GMEB1: variants seen among roughly 807,000 people sequenced by gnomAD.
GMEB1 encodes glucocorticoid modulatory element binding protein 1.
In GMEB1, 6 loss-of-function variants were observed where a neutral mutation model predicts 52.4. The observed-to-expected ratio is 0.11, with a 90% CI of 0.06 to 0.23. The LOEUF (loss-of-function observed/expected upper bound fraction) is 0.23, where lower values mean the gene tolerates loss of function less well. Among genes scored for constraint, GMEB1 ranks in the 10% least tolerant of loss-of-function variants. The pLI, the probability that GMEB1 is intolerant of heterozygous loss-of-function variation, is 1.00. For synonymous variants in GMEB1, 255 were observed against 244.9 expected, an observed-to-expected ratio of 1.04 and a Z score of -0.38; for missense variants, 486 against 685.6, an observed-to-expected ratio of 0.71 and a Z score of 3.25.
intron 9 of GMEB1, among the ~76,000 whole-genome samples, chr1:28,712,561 C>G (rs1413006210): frequency 6.6e-6 from 1 of 152,156 alleles, no homozygotes; most frequent in Non-Finnish European, 1.5e-5. Context: ...TGGCTCATGC[C>G]TGTAATCCCA....
rs923044037 is a variant in GMEB1 at position 28,678,055 on chromosome 1, G to T, written c.-30-5528G>T. 7.9e-5 allele frequency among the ~76,000 whole-genome samples: 12 copies of T among 151,876 alleles called. No individual in the cohort carries two copies. In the East Asian group the frequency reaches 1.9e-3, roughly 25 times the overall value. On this transcript the variant is annotated intron_variant, in intron 1 of 9. Transcript: ENST00000373816. ...AAAAATTAGCCGGGTGTGGTGGCAG[G>T]TCCCTGTAATCCCAGCTACTCGGGA...
intron 1 of GMEB1, among the ~76,000 whole-genome samples, chr1:28,670,390 C>T (rs562514466): frequency 6.7e-6 from 1 of 150,012 alleles, no homozygotes; most frequent in East Asian, 2.0e-4. Context: ...TGCAATGGCG[C>T]GATCTCAGCT....
intron 8 of GMEB1, among the ~76,000 whole-genome samples, chr1:28,705,464 T>C (rs1326267640): frequency 2.8e-5 from 4 of 143,378 alleles, no homozygotes; most frequent in African/African-American, 5.0e-5. Context: ...TTTTTTTTTT[T>C]CCTGAGACGG....
intron 2 of GMEB1, among the ~76,000 whole-genome samples, chr1:28,685,640 A>G (rs1185243418): frequency 6.6e-6 from 1 of 152,152 alleles, no homozygotes; most frequent in African/African-American, 2.4e-5. Context: ...ATCCTGAGTT[A>G]CTTTAGATAA....
At chr1:28,700,469 G>C (rs1670448243) in intron 6 of GMEB1, among the ~76,000 whole-genome samples, 1 of 147,584 alleles carries the variant, frequency 6.8e-6, no homozygotes, top group South Asian at 2.1e-4. Flanking sequence ...AGCCGAGATC[G>C]CGCCACTGCA....
At chr1:28,677,825 TTTTTA>T (rs1252787401) in intron 1 of GMEB1, among the ~76,000 whole-genome samples, 1 of 152,154 alleles carries the variant, frequency 6.6e-6, no homozygotes, top group Non-Finnish European at 1.5e-5. Flanking sequence ...AGTTCATTGA[TTTTTA>T]TTTTATCTTA....
chr1:28,685,350 C>T (rs1402241652), intron 2 of GMEB1, among the ~76,000 whole-genome samples: 1 of 151,978 alleles, frequency 6.6e-6, no homozygotes, highest in Non-Finnish European at 1.5e-5. Context: ...GCTGGCACTA[C>T]AGGCTCTTGC....
At chr1:28,682,904 TG>T (rs1669459545) in intron 1 of GMEB1, among the ~76,000 whole-genome samples, 1 of 152,178 alleles carries the variant, frequency 6.6e-6, no homozygotes, top group African/African-American at 2.4e-5. Context: ...TTGTAGTGCT[TG>T]TCAATTTCGG....
At chr1:28,697,788 G>C (rs186853570) in intron 6 of GMEB1, among the ~76,000 whole-genome samples, 6 of 152,294 alleles carry the variant, frequency 3.9e-5, no homozygotes, top group African/African-American at 1.4e-4. Context: ...CAGGCTAGGC[G>C]TGGTGGCTGA....
rs1671330801 is a variant in GMEB1 at position 28,718,668 on chromosome 1, G to A, written c.*3895G>A. 1 of 151,962 alleles carries A rather than the reference G, an allele frequency of 6.6e-6. No homozygotes were observed. Among genetic ancestry groups the A allele is most frequent in the Non-Finnish European group, 1.5e-5 (1 of 67,976 alleles). The allele number at this position is 151,962 out of a possible 1,614,324, so 9.4% of individuals were successfully genotyped here. A position where few individuals can be genotyped will look rare whatever the true frequency, so the allele number is the denominator to read the frequency against. On this transcript the variant is annotated 3_prime_UTR_variant, in exon 10 of 10. Transcript: ENST00000373816. ...TGTAATTTTATGTATTTTATGCATTGAAAAACATTATTTAAGAATTGGTTC... is the reference window on the plus strand; with the variant it reads ...TGTAATTTTATGTATTTTATGCATTAAAAAACATTATTTAAGAATTGGTTC...
In GMEB1 at chr1:28,696,048, G is replaced by GTTTA. The variant is rs886397087; in HGVS notation, c.441-847_441-844dup. ...AGGAATATCTTTATTTTTATTGTTT[G>GTTTA]TTTATTTATTTATTTATTTATTTAT... On this transcript the variant is annotated intron_variant, in intron 5 of 9. Transcript: ENST00000373816. 2.1e-3 allele frequency among the ~76,000 whole-genome samples: 183 copies of GTTTA among 88,658 alleles called. 2 individuals carry two copies. The highest frequency in any genetic ancestry group is 0.016 in the East Asian group (13 of 804). 58.2% of individuals were successfully genotyped at this position (88,658 alleles called of 152,430 possible). A position where few individuals can be genotyped will look rare whatever the true frequency, so the allele number is the denominator to read the frequency against.
rs1409877611 is a variant in GMEB1, at chr1:28,683,735, A to G, written c.123A>G (p.Gln41=). The G allele has an allele frequency of 5.0e-6, 8 of 1,612,874 alleles. No individual in the cohort carries two copies. The highest frequency in any genetic ancestry group is 5.9e-6 in the Non-Finnish European group (7 of 1,179,530). ...TGATTTTGCAGTTACAGCCTGTGCA[A>G]CAAGGGTAAGTGGCTAGAGATTTGG... ...TQVILQLQPV[Q]QGIYEAGSEN... is the part of the protein sequence containing the mutation. Residue 41 remains glutamine, a synonymous_variant, in exon 2 of 10, where the codon CAA becomes CAG. Transcript: ENST00000373816.
rs181600347 is a variant in GMEB1 at position 28,715,840 on chromosome 1, C to A, written c.*1067C>A. ...GGTGCGGTGGCTCATGCCTGTAATC[C>A]CAGCACTTTGGGAGGCCGAGGTGGG... On this transcript the variant is annotated 3_prime_UTR_variant, in exon 10 of 10. Coordinates refer to ENST00000373816, the MANE Select transcript of GMEB1 (RefSeq NM_001319674.2). 6.3e-3 allele frequency: 951 copies of A among 152,124 alleles called. 3 individuals are homozygous for A. Among genetic ancestry groups the A allele is most frequent in the Middle Eastern group, 0.01 (3 of 296 alleles). The allele number at this position is 152,124 out of a possible 1,614,324, so 9.4% of individuals were successfully genotyped here. A position where few individuals can be genotyped will look rare whatever the true frequency, so the allele number is the denominator to read the frequency against.
At chr1:28,698,731 C>G (rs901023023) in intron 6 of GMEB1, among the ~76,000 whole-genome samples, 1 of 151,570 alleles carries the variant, frequency 6.6e-6, no homozygotes, top group Non-Finnish European at 1.5e-5. Flanking sequence ...CGCCTGTAAT[C>G]CTAGCACTTT....
At chr1:28,696,027 ATATCTT>A in intron 5 of GMEB1, among the ~76,000 whole-genome samples, 1 of 145,810 alleles carries the variant, frequency 6.9e-6, no homozygotes, top group South Asian at 2.2e-4. Context: ...TTGGGAAGGA[ATATCTT>A]TATTTTTATT....
intron 1 of GMEB1, among the ~76,000 whole-genome samples, chr1:28,672,991 G>A (rs1557493301): frequency 2.0e-5 from 3 of 151,876 alleles, no homozygotes. Flanking sequence ...TGCCTCCCGG[G>A]TTCAAGTGGT....
In GMEB1 at chr1:28,690,203, G is replaced by GGTTTTTTTTTTTTTTTTTT. The variant is rs879212606; in HGVS notation, c.211+17_211+18insGTTTTTTTTTTTTTTTTTT. The GGTTTTTTTTTTTTTTTTTT allele has an allele frequency of 2.3e-6, 1 of 440,238 alleles. No individual in the cohort carries two copies. Among genetic ancestry groups the GGTTTTTTTTTTTTTTTTTT allele is most frequent in the African/African-American group, 3.0e-5 (1 of 33,140 alleles). The allele number at this position is 440,238 out of a possible 1,614,324, so 27.3% of individuals were successfully genotyped here. ...AAGGGATTGGTAAGGGTTTTTTTGT[G>GGTTTTTTTTTTTTTTTTTT]TTTTTTTTTTTTTTTTTTTTTGTCA... On this transcript the variant is annotated intron_variant, in intron 3 of 9. Coordinates refer to ENST00000373816, the MANE Select transcript of GMEB1 (RefSeq NM_001319674.2).
rs1181141290 is a variant in GMEB1, at chr1:28,699,886, G to T, written c.599-2552G>T. 2.0e-5 allele frequency among the ~76,000 whole-genome samples: 3 copies of T among 150,960 alleles called. No individual in the cohort carries two copies. The East Asian group carries it at 5.9e-4, about 30-fold the overall frequency. On this transcript the variant is annotated intron_variant, in intron 6 of 9. Transcript: ENST00000373816. ...GCCCAGGAGTTTGAGACCAGCCTTG[G>T]CATCTTGTCGAAAACCCATCTCTAC...
At chr1:28,706,342 C>T (rs564844472) in intron 8 of GMEB1, among the ~76,000 whole-genome samples, 81 of 152,134 alleles carry the variant, frequency 5.3e-4, no homozygotes, top group Non-Finnish European at 1.0e-3. Flanking sequence ...TTGTGGCTCA[C>T]GCCTGTAATC....
Sources: gnomAD v4.1 joint callset for allele counts (sites outside exome capture counted in the v4.1 genomes callset) on GRCh38, gnomAD v4.1.1 for gene constraint, MANE v1.5 for transcripts, NCBI Gene and HGNC (gene_info 2026-07-23, HGNC 2026-07-21) for gene names.